AP5Z1: variants seen among roughly 807,000 people sequenced by gnomAD.
The protein encoded by AP5Z1 is adaptor related protein complex 5 subunit zeta 1.
A neutral mutation model predicts 83.0 loss-of-function variants in AP5Z1; 106 were observed. The ratio of observed to expected loss-of-function variants is 1.28; its 90% CI spans 1.09 to 1.50. The LOEUF (loss-of-function observed/expected upper bound fraction) is 1.50, where lower values mean the gene tolerates loss of function less well. AP5Z1 is among the 40% of genes most tolerant of loss of function. The probability of loss-of-function intolerance (pLI) is 0.00; values close to 1 mark genes in which losing one functional copy is unlikely to be tolerated. For synonymous variants in AP5Z1, 751 were observed against 514.1 expected (o/e 1.46, Z -6.23); for missense variants, 1,565 against 1,094.2 (o/e 1.43, Z -6.07).
intron 14 of AP5Z1, 22 bp downstream of exon 14, chr7:4,789,951 G>T: frequency 6.6e-7 from 1 of 1,511,652 alleles, no homozygotes. Context: ...CTGCGCTCCT[G>T]CCACAGCCCT....
intron 1 of AP5Z1, among the ~76,000 whole-genome samples, chr7:4,776,746 GA>G (rs1781239852): frequency 1.3e-5 from 2 of 151,780 alleles, no homozygotes; most frequent in East Asian, 3.9e-4. Flanking sequence ...AAAGAAAAAA[GA>G]AAAAAAGTAA....
intron 9 of AP5Z1, 89 bp downstream of exon 9, chr7:4,785,773 T>G: frequency 7.1e-7 from 1 of 1,401,314 alleles, no homozygotes; most frequent in Admixed American, 3.0e-5. Context: ...TTTTTTTTTT[T>G]TTTTTTTGAT....
chr7:4,781,414 C>A, intron 2 of AP5Z1, 102 bp downstream of exon 2: 1 of 1,574,030 alleles, frequency 6.4e-7, no homozygotes, highest in South Asian at 1.1e-5. Context: ...GGGGTTGAGT[C>A]ATTTGTCCAC....
chr7:4,787,624 G>A lies in AP5Z1; in HGVS notation c.1312-10G>A, dbSNP rs770895241. Reference sequence around the variant, plus strand: ...CGAGCCGTGTCCGAACCGCTGTGCTGTGCCCACAGTTCCTGGCCTGGAACA... The same window carrying A: ...CGAGCCGTGTCCGAACCGCTGTGCTATGCCCACAGTTCCTGGCCTGGAACA... On this transcript the variant is annotated splice_polypyrimidine_tract_variant and intron_variant, in intron 10 of 16. Coordinates refer to ENST00000649063, the MANE Select transcript of AP5Z1 (RefSeq NM_014855.3). 9.2e-5 allele frequency: 142 copies of A among 1,549,800 alleles called. 1 individual carries two copies. The Admixed American group carries it at 2.3e-3, about 25-fold the overall frequency.
intron 1 of AP5Z1, among the ~76,000 whole-genome samples, chr7:4,779,958 T>G (rs1781336722): frequency 6.6e-6 from 1 of 152,100 alleles, no homozygotes; most frequent in African/African-American, 2.4e-5. Flanking sequence ...TTTTTTATTC[T>G]TTTGTAGAGA....
intron 7 of AP5Z1, 62 bp downstream of exon 7, chr7:4,785,110 ACCTGAGGCCAGCACAGCTTC>A: frequency 6.5e-7 from 1 of 1,533,548 alleles, no homozygotes; most frequent in Non-Finnish European, 8.8e-7. Context: ...CTGCAAGGCC[ACCTGAGGCCAGCACAGCTTC>A]CCTGAGCTAC....
rs373106379 is a variant in AP5Z1, at chr7:4,786,729, C to T, written c.1311+301C>T. ...CTGCTGCCTGGTAGGATCCCTCCCC[C>T]GGGAGCCCTGCCTGGTGCCTTGGGC... On this transcript the variant is annotated intron_variant, in intron 10 of 16. Transcript: ENST00000649063. Among the ~76,000 whole-genome samples, 234 of 151,960 alleles carry T rather than the reference C, an allele frequency of 1.5e-3. 2 individuals carry two copies. Among genetic ancestry groups the T allele is most frequent in the African/African-American group, 4.9e-3 (205 of 41,466 alleles).
rs1781773653 is a variant in AP5Z1, at chr7:4,791,539, C to T, written c.*154C>T. ...TTGGCACCCTCACAGACACGCGGGG[C>T]TGGCCCCCCTGCTCACCCTCTGGGC... On this transcript the variant is annotated 3_prime_UTR_variant, in exon 17 of 17. Transcript: ENST00000649063. 5.3e-6 allele frequency: 6 copies of T among 1,126,770 alleles called. No homozygotes were observed. The highest frequency in any genetic ancestry group is 1.6e-5 in the African/African-American group (1 of 63,504). The allele number at this position is 1,126,770 out of a possible 1,614,324, so 69.8% of individuals were successfully genotyped here.
chr7:4,785,931 G>A (rs770280540), intron 9 of AP5Z1, among the ~76,000 whole-genome samples: 7 of 152,112 alleles, frequency 4.6e-5, no homozygotes, highest in South Asian at 2.1e-4. Flanking sequence ...ATGGATTGCT[G>A]TGCCAGATGT....
intron 16 of AP5Z1, 37 bp from the exon 17 acceptor site, chr7:4,791,078 A>G (rs1378457443): frequency 1.3e-6 from 2 of 1,530,408 alleles, no homozygotes; most frequent in East Asian, 2.4e-5. Flanking sequence ...CTGGGAGGGG[A>G]GCATCTGCAG....
rs1246972129 is a variant in AP5Z1 at position 4,788,159 on chromosome 7, C to T, written c.1460C>T (p.Ala487Val). The change falls in exon 12 of 17, where the codon GCA (alanine) becomes GTA (valine). Residue 487 changes from alanine (A) to valine (V), a missense_variant. Ala to Val is a moderately conservative substitution (Grantham distance 64). Transcript: ENST00000649063. ...TAVLDLQLRSAPAASERPLWD... is the reference protein window; with the variant it reads ...TAVLDLQLRSVPAASERPLWD... The stretch of plus-strand genomic sequence containing the variant: ...TTGGGCGTCTGTCCACGCAGGTCAG[C>T]ACCGGCTGCATCCGAGAGGCCACTC... 2 of 1,551,412 alleles carry T rather than the reference C, an allele frequency of 1.3e-6. No homozygotes were observed. The highest frequency in any genetic ancestry group is 2.7e-5 in the African/African-American group (2 of 73,336).
chr7:4,786,696 G>C (rs971271294), intron 10 of AP5Z1, among the ~76,000 whole-genome samples: 1 of 152,198 alleles, frequency 6.6e-6, no homozygotes, highest in Non-Finnish European at 1.5e-5. Context: ...CACAGCACTG[G>C]GGCAGGGCTG....
intron 14 of AP5Z1, chr7:4,790,216 C>T (rs868192737): frequency 6.4e-7 from 1 of 1,550,474 alleles, no homozygotes; most frequent in African/African-American, 1.4e-5. Flanking sequence ...CTCCAAAGGC[C>T]TGATGCATGC....
chr7:4,786,482 C>A, intron 10 of AP5Z1, 54 bp downstream of exon 10: 1 of 1,589,092 alleles, frequency 6.3e-7, no homozygotes, highest in South Asian at 1.1e-5. Context: ...GTCCCTGGGG[C>A]TCCTCCCCTC....
At chr7:4,790,334 C>G (rs775274257) in intron 14 of AP5Z1, 125 bp from the exon 15 acceptor site, 17 of 1,557,426 alleles carry the variant, frequency 1.1e-5, no homozygotes, top group Non-Finnish European at 1.5e-5. Flanking sequence ...CTGTGTTCCT[C>G]TATCGGAGGG....
rs548498106 is a variant in AP5Z1 at position 4,781,188 on chromosome 7, G to A, written c.55G>A (p.Glu19Lys). 15 of 1,613,690 alleles carry A rather than the reference G, an allele frequency of 9.3e-6. No individual in the cohort carries two copies. Among genetic ancestry groups the A allele is most frequent in the Middle Eastern group, 1.7e-4 (1 of 6,060 alleles). ...TTCTTTGTTTAGGGAGATCCAGGAC[G>A]AGGAGCTGAAGAAGTTCTGTTCCCG... The part of the protein sequence containing the change: ...LLHQAREIQD[E>K]ELKKFCSRIC... Residue 19 changes from glutamate to lysine, a missense_variant, in exon 2 of 17, where the codon GAG (glutamate) becomes AAG (lysine). Coordinates refer to ENST00000649063, the MANE Select transcript of AP5Z1 (RefSeq NM_014855.3).
intron 1 of AP5Z1, among the ~76,000 whole-genome samples, chr7:4,776,342 T>C (rs1348812239): frequency 2.0e-5 from 3 of 151,742 alleles, no homozygotes; most frequent in African/African-American, 7.3e-5. Flanking sequence ...TAACCAGTCA[T>C]GGGGGAAAAC....
chr7:4,790,344 G>A (rs760837570), intron 14 of AP5Z1, 115 bp from the exon 15 acceptor site: 80 of 1,564,256 alleles, frequency 5.1e-5, no homozygotes, highest in Non-Finnish European at 6.7e-5. Context: ...CTATCGGAGG[G>A]TGCAGCATAC....
chr7:4,790,204 C>T (rs1177366336), intron 14 of AP5Z1: 6 of 1,548,148 alleles, frequency 3.9e-6, no homozygotes, highest in Non-Finnish European at 4.3e-6. Context: ...TGGGGTCCTT[C>T]TCTCCAAAGG....
Sources: allele counts gnomAD v4.1 joint callset (sites outside exome capture counted in the v4.1 genomes callset), GRCh38; gene constraint gnomAD v4.1.1; transcripts MANE v1.5; gene names NCBI Gene and HGNC (gene_info 2026-07-23, HGNC 2026-07-21).